CCDC73: variants seen among roughly 807,000 people sequenced by gnomAD.
CCDC73 encodes the protein coiled-coil domain-containing protein 73.
Under a neutral mutation model 116.5 loss-of-function variants are expected in CCDC73, and 95 were observed. That is an observed-to-expected ratio of 0.82 (90% CI 0.69 to 0.97). The LOEUF is 0.97. CCDC73 is among the 50% of genes least tolerant of loss of function. CCDC73 has a pLI of 0.00. For synonymous variants in CCDC73, 398 were observed against 401.3 expected, an observed-to-expected ratio of 0.99 and a Z score of 0.10; for missense variants, 1,066 against 1,206.8, an observed-to-expected ratio of 0.88 and a Z score of 1.73.
At chr11:32,787,855 A>G (rs1259563798) in intron 1 of CCDC73, among the ~76,000 whole-genome samples, 1 of 152,224 alleles carries the variant, frequency 6.6e-6, no homozygotes, top group African/African-American at 2.4e-5. Context: ...TACAAGATTC[A>G]TTGAGAACAT....
chr11:32,713,952 T>C (rs184129574), intron 3 of CCDC73, among the ~76,000 whole-genome samples: 2 of 152,202 alleles, frequency 1.3e-5, no homozygotes, highest in Non-Finnish European at 2.9e-5. Flanking sequence ...GTTCTGAGTA[T>C]GTTCATCATT....
chr11:32,680,181 T>C (rs1856130811), intron 7 of CCDC73: 1 of 152,136 alleles, frequency 6.6e-6, no homozygotes, highest in African/African-American at 2.4e-5. Flanking sequence ...CAACAAATGG[T>C]TTAAATTCTC....
chr11:32,700,641 G>A (rs1849803730), intron 5 of CCDC73, 150 bp downstream of exon 5: 1 of 426,630 alleles, frequency 2.3e-6, no homozygotes, highest in South Asian at 4.4e-5. Flanking sequence ...AAGATTTTAA[G>A]CAGTTAACCA....
At chr11:32,738,236 A>G (rs866277465) in intron 2 of CCDC73, among the ~76,000 whole-genome samples, 2 of 152,308 alleles carry the variant, frequency 1.3e-5, no homozygotes, top group Admixed American at 6.5e-5. Flanking sequence ...GGATTGCTGG[A>G]TCATATGGTA....
chr11:32,711,514 T>TTAGGCCAAAAAACA (rs1260853603), intron 3 of CCDC73, among the ~76,000 whole-genome samples: 2 of 152,052 alleles, frequency 1.3e-5, no homozygotes, highest in African/African-American at 4.8e-5. Context: ...ATTGGAGACT[T>TTAGGCCAAAAAACA]TATGCCAAAT....
chr11:32,795,006 A>T (rs75093028), upstream of CCDC73, among the ~76,000 whole-genome samples: 7,376 of 150,628 alleles, frequency 0.049, 201 homozygotes, highest in African/African-American at 0.067. Flanking sequence ...TTCGTTTTTT[A>T]AAAAAAAAGT....
intron 17 of CCDC73, chr11:32,605,536 C>G (rs142748736): frequency 1.4e-4 from 22 of 152,268 alleles, no homozygotes; most frequent in Admixed American, 3.3e-4. Context: ...GTGCTGGGTT[C>G]ATTTTGGTGT....
chr11:32,703,325 C>T (rs1020813807), intron 3 of CCDC73, among the ~76,000 whole-genome samples: 1 of 151,970 alleles, frequency 6.6e-6, no homozygotes, highest in African/African-American at 2.4e-5. Context: ...TGGACTCAAG[C>T]GACCCACCAC....
chr11:32,697,054 C>T (rs1010895929), intron 6 of CCDC73, among the ~76,000 whole-genome samples: 8 of 151,530 alleles, frequency 5.3e-5, no homozygotes, highest in South Asian at 2.1e-4. Flanking sequence ...AGGCTGGTCT[C>T]GAACTCATGG....
intron 2 of CCDC73, among the ~76,000 whole-genome samples, chr11:32,730,350 G>A (rs1269222580): frequency 6.6e-6 from 1 of 152,038 alleles, no homozygotes; most frequent in African/African-American, 2.4e-5. Context: ...ATAATATATA[G>A]CCTCTTGAAT....
chr11:32,710,026 A>G (rs953029111), intron 3 of CCDC73, among the ~76,000 whole-genome samples: 16 of 152,240 alleles, frequency 1.1e-4, no homozygotes, highest in African/African-American at 3.9e-4. Context: ...AATCTTTTGT[A>G]TTTCTGTGGT....
At chr11:32,733,332 A>AC (rs1309538333) in intron 2 of CCDC73, among the ~76,000 whole-genome samples, 3 of 152,168 alleles carry the variant, frequency 2.0e-5, no homozygotes, top group African/African-American at 4.8e-5. Flanking sequence ...AGACTTTAAC[A>AC]CCCCACTGTC....
At chr11:32,767,649 A>G (rs1332850871) in intron 1 of CCDC73, among the ~76,000 whole-genome samples, 1 of 152,224 alleles carries the variant, frequency 6.6e-6, no homozygotes, top group Admixed American at 6.5e-5. Context: ...ACCCCATCAT[A>G]AAGTGGGCAA....
intron 2 of CCDC73, among the ~76,000 whole-genome samples, chr11:32,721,430 G>A (rs1675897996): frequency 6.6e-6 from 1 of 151,992 alleles, no homozygotes; most frequent in African/African-American, 2.4e-5. Context: ...ATGTGATAAA[G>A]CAAAAATAGA....
intron 12 of CCDC73, among the ~76,000 whole-genome samples, chr11:32,649,269 AAACT>A (rs2133257688): frequency 6.6e-6 from 1 of 152,348 alleles, no homozygotes; most frequent in East Asian, 1.9e-4. Context: ...AATCTTCCAA[AAACT>A]AACTAAATGA....
chr11:32,739,944 T>C lies in CCDC73; in HGVS notation c.135+20165A>G, dbSNP rs552768070. Among the ~76,000 whole-genome samples the C allele has an allele frequency of 7.9e-5, 12 of 152,012 alleles. No homozygotes were observed. The South Asian group carries it at 2.3e-3, about 29-fold the overall frequency. On this transcript the variant is annotated intron_variant, in intron 2 of 17. Transcript: ENST00000335185. ...TTCTCAGAATAAATTGGAATAGTTATATGTTTGTCCTTCATTCTGTTGATA... is the reference window on the plus strand; with the variant it reads ...TTCTCAGAATAAATTGGAATAGTTACATGTTTGTCCTTCATTCTGTTGATA...
chr11:32,643,926 G>C (rs982318519), intron 12 of CCDC73, among the ~76,000 whole-genome samples: 2 of 151,860 alleles, frequency 1.3e-5, no homozygotes, highest in Non-Finnish European at 2.9e-5. Context: ...AAAACACACA[G>C]ATTGTACAGC....
chr11:32,711,942 C>T (rs1474553472), intron 3 of CCDC73, among the ~76,000 whole-genome samples: 2 of 152,110 alleles, frequency 1.3e-5, no homozygotes, highest in African/African-American at 4.8e-5. Flanking sequence ...TGGCAAAAGC[C>T]AGCTCCTTAT....
rs568548384 is a variant in CCDC73 at position 32,695,546 on chromosome 11, C to T, written c.390+3705G>A. Among the ~76,000 whole-genome samples, 20 of 152,154 alleles carry T rather than the reference C, an allele frequency of 1.3e-4. No individual in the cohort carries two copies. In the South Asian group the frequency reaches 3.5e-3, roughly 27 times the overall value. On this transcript the variant is annotated intron_variant, in intron 6 of 17. Coordinates refer to ENST00000335185, the MANE Select transcript of CCDC73 (RefSeq NM_001008391.4). ...TTTGCAGTTTCACTTGTGGTAAAGA[C>T]GTTAGCATTTTCCATTTCTATGCAG...
Sources: allele counts gnomAD v4.1 joint callset (sites outside exome capture counted in the v4.1 genomes callset), GRCh38; gene constraint gnomAD v4.1.1; transcripts MANE v1.5; gene names NCBI Gene and HGNC (gene_info 2026-07-23, HGNC 2026-07-21).